GAD1: variants seen among roughly 807,000 people sequenced by gnomAD.
The protein encoded by GAD1 is 67 kDa glutamic acid decarboxylase.
GAD1 carries 35 observed loss-of-function variants against 75.2 expected under a neutral mutation model. That is an observed-to-expected ratio of 0.47 (90% confidence interval 0.36 to 0.62). The LOEUF is 0.62. Ranked by LOEUF, GAD1 falls within the 20% of genes least tolerant of loss-of-function variation. The pLI is 0.00. For synonymous variants in GAD1, 257 were observed against 271.9 expected (o/e 0.95, Z 0.54); for missense variants, 490 against 758.5 (o/e 0.65, Z 4.16).
At chr2:170,848,065 T>C (rs1045706812) in intron 11 of GAD1, among the ~76,000 whole-genome samples, 1 of 152,174 alleles carries the variant, frequency 6.6e-6, no homozygotes, top group African/African-American at 2.4e-5. Context: ...GGTAGCTTTG[T>C]TGGGACAAGT....
intron 6 of GAD1, among the ~76,000 whole-genome samples, chr2:170,839,101 G>A (rs926076645): frequency 6.6e-6 from 1 of 152,176 alleles, no homozygotes; most frequent in Non-Finnish European, 1.5e-5. Context: ...CGGGAACAGT[G>A]TTCAAAATAA....
chr2:170,846,486 C>T (rs545916812), intron 10 of GAD1, among the ~76,000 whole-genome samples: 31 of 152,376 alleles, frequency 2.0e-4, no homozygotes, highest in African/African-American at 7.5e-4. Context: ...TGGTACTTGG[C>T]ACATCCAGCC....
At position 170,844,169 on chromosome 2, in the gene GAD1, T is replaced by G; in HGVS notation, c.751+12T>G. 1.7e-5 allele frequency: 23 copies of G among 1,359,856 alleles called. No homozygotes were observed. The highest frequency in any genetic ancestry group is 2.1e-5 in the Non-Finnish European group (20 of 948,246). The allele number at this position is 1,359,856 out of a possible 1,614,324, so 84.2% of individuals were successfully genotyped here. A position where few individuals can be genotyped will look rare whatever the true frequency, so the allele number is the denominator to read the frequency against. Reference sequence around the variant, plus strand: ...GATATTTTCTCCTGGTAGGTTTCTCTTCTCTTCCTCTTCTCAAGGTTTGGG... The same window carrying G: ...GATATTTTCTCCTGGTAGGTTTCTCGTCTCTTCCTCTTCTCAAGGTTTGGG... On this transcript the variant is annotated intron_variant, in intron 7 of 16. Coordinates refer to ENST00000358196, the MANE Select transcript of GAD1 (RefSeq NM_000817.3).
chr2:170,852,517 T>G, intron 12 of GAD1, 197 bp from the exon 13 acceptor site: 1 of 619,008 alleles, frequency 1.6e-6, no homozygotes, highest in Non-Finnish European at 2.9e-6. Flanking sequence ...TAATAGCAGT[T>G]ACTTCTAAGA....
chr2:170,817,237 C>G (rs995062322), intron 1 of GAD1, 189 bp downstream of exon 1: 2 of 125,796 alleles, frequency 1.6e-5, no homozygotes, highest in Non-Finnish European at 1.9e-5. Context: ...CCCCCCCCCC[C>G]CGCCTCCCTC....
At chr2:170,842,500 GT>G in intron 6 of GAD1, 1 of 1,366,062 alleles carries the variant, frequency 7.3e-7, no homozygotes, top group Non-Finnish European at 1.0e-6. Context: ...CCCATCATGA[GT>G]TTGCCTCTTG....
chr2:170,852,997 T>C (rs45471500), intron 13 of GAD1: 14,624 of 648,324 alleles, frequency 0.023, 606 homozygotes, highest in Admixed American at 0.13. Context: ...TGCTTCTTCT[T>C]TGATCAGTAC....
At chr2:170,833,575 A>G (rs1702294966) in intron 5 of GAD1, among the ~76,000 whole-genome samples, 1 of 152,258 alleles carries the variant, frequency 6.6e-6, no homozygotes, top group African/African-American at 2.4e-5. Context: ...TTTGCTCTAC[A>G]TGCGCTTTCT....
chr2:170,821,897 G>A (rs186111265), intron 2 of GAD1, 190 bp from the exon 3 acceptor site: 36 of 610,628 alleles, frequency 5.9e-5, no homozygotes, highest in African/African-American at 5.9e-4. Flanking sequence ...CAGGAAGGGA[G>A]TATGATGGGG....
chr2:170,850,569 G>A (rs1384931404), intron 12 of GAD1, among the ~76,000 whole-genome samples: 1 of 152,202 alleles, frequency 6.6e-6, no homozygotes, highest in African/African-American at 2.4e-5. Context: ...GGAGCAGGCA[G>A]GGAGAGCCCG....
chr2:170,838,287 G>C (rs1312017582), intron 6 of GAD1, among the ~76,000 whole-genome samples: 1 of 152,214 alleles, frequency 6.6e-6, no homozygotes, highest in African/African-American at 2.4e-5. Flanking sequence ...CAAAGATACA[G>C]TTGCTTGGAA....
intron 4 of GAD1, 146 bp from the exon 5 acceptor site, chr2:170,830,804 G>A: frequency 1.0e-6 from 1 of 990,974 alleles, no homozygotes; most frequent in Admixed American, 2.3e-5. Context: ...TTCTGGAGAT[G>A]TGGTATATCC....
intron 6 of GAD1, chr2:170,842,633 A>G: frequency 6.2e-7 from 1 of 1,614,070 alleles, no homozygotes; most frequent in East Asian, 2.2e-5. Context: ...CCAAAGCATG[A>G]TTGTGACCTC....
chr2:170,847,536 A>C, intron 10 of GAD1, 140 bp from the exon 11 acceptor site: 1 of 752,552 alleles, frequency 1.3e-6, no homozygotes, highest in African/African-American at 1.7e-5. Context: ...ACAAAACACT[A>C]CTAGACATAG....
intron 4 of GAD1, among the ~76,000 whole-genome samples, chr2:170,830,485 C>T (rs1310268953): frequency 1.3e-5 from 2 of 152,252 alleles, no homozygotes; most frequent in Non-Finnish European, 2.9e-5. Context: ...TCGAAGGACA[C>T]CGCCAAGGAC....
At chr2:170,822,312 C>T (rs949278455) in intron 3 of GAD1, among the ~76,000 whole-genome samples, 163 bp downstream of exon 3, 6 of 152,224 alleles carry the variant, frequency 3.9e-5, no homozygotes, top group African/African-American at 1.4e-4. Flanking sequence ...CCTACAGGCC[C>T]TGACCCTCCT....
intron 3 of GAD1, among the ~76,000 whole-genome samples, chr2:170,823,474 A>G (rs1311190189): frequency 6.6e-6 from 1 of 152,148 alleles, no homozygotes; most frequent in Non-Finnish European, 1.5e-5. Flanking sequence ...CAGGCGCTCC[A>G]TTCCTAGACC....
chr2:170,844,934 G>A (rs942076391), intron 7 of GAD1, among the ~76,000 whole-genome samples: 23 of 152,266 alleles, frequency 1.5e-4, no homozygotes, highest in Non-Finnish European at 5.9e-5. Context: ...ACATAGTTAT[G>A]TCAGTTCTCC....
At chr2:170,837,125 T>C (rs990714022) in intron 6 of GAD1, among the ~76,000 whole-genome samples, 13 of 152,226 alleles carry the variant, frequency 8.5e-5, no homozygotes, top group African/African-American at 2.7e-4. Flanking sequence ...TTCCAAAATG[T>C]AGTCTTGAAA....
Sources: gnomAD v4.1 joint callset for allele counts (sites outside exome capture counted in the v4.1 genomes callset) on GRCh38, gnomAD v4.1.1 for gene constraint, MANE v1.5 for transcripts, NCBI Gene and HGNC (gene_info 2026-07-23, HGNC 2026-07-21) for gene names.